Variants in PCDH17 observed in about 807,000 individuals in gnomAD.
PCDH17 encodes protocadherin 17, also known as protocadherin-17.
A neutral mutation model predicts 67.7 loss-of-function variants in PCDH17; 21 were observed. The ratio of observed to expected loss-of-function variants is 0.31; its 90% CI spans 0.22 to 0.45. The LOEUF (loss-of-function observed/expected upper bound fraction) is 0.45. PCDH17 is among the 20% of genes least tolerant of loss of function. PCDH17 has a pLI of 1.00. For synonymous variants in PCDH17, 701 were observed against 656.7 expected, an observed-to-expected ratio of 1.07 and a Z score of -1.03; for missense variants, 1,471 against 1,564.8, an observed-to-expected ratio of 0.94 and a Z score of 1.01.
chr13:57,686,416 A>G (rs1955508530), intron 3 of PCDH17, among the ~76,000 whole-genome samples: 1 of 152,040 alleles, frequency 6.6e-6, no homozygotes, highest in Admixed American at 6.6e-5. Flanking sequence ...GAGAAGCATA[A>G]CATAATTAAT....
chr13:57,711,044 G>A (rs755689805), intron 3 of PCDH17, among the ~76,000 whole-genome samples: 5 of 151,976 alleles, frequency 3.3e-5, no homozygotes, highest in Non-Finnish European at 7.4e-5. Context: ...TTGAATAGCT[G>A]TGATTTCACA....
chr13:57,703,740 G>A (rs912222347), intron 3 of PCDH17, among the ~76,000 whole-genome samples: 27 of 151,998 alleles, frequency 1.8e-4, no homozygotes, highest in African/African-American at 6.0e-4. Flanking sequence ...TCTTAGCATT[G>A]TATTTAGTAC....
Position 57,710,851 on chromosome 13 carries a change from A to G in PCDH17, c.2798-13761A>G, listed in dbSNP as rs1429569154. Among the ~76,000 whole-genome samples, 4 of 151,998 alleles carry G rather than the reference A, an allele frequency of 2.6e-5. No individual in the cohort carries two copies. In the East Asian group the frequency reaches 7.7e-4, roughly 29 times the overall value. On this transcript the variant is annotated intron_variant, in intron 3 of 3. Coordinates refer to ENST00000377918, the MANE Select transcript of PCDH17 (RefSeq NM_001040429.3). ...TGCTTTATTTCTTGTATGGAAATGA[A>G]TGGAAACTGGAGTAAAAATAGAACA...
intron 1 of PCDH17, among the ~76,000 whole-genome samples, chr13:57,641,170 C>G (rs1417256448): frequency 6.6e-6 from 1 of 151,772 alleles, no homozygotes; most frequent in Admixed American, 6.6e-5. Context: ...TATTGTCAAC[C>G]TACTTTAGTA....
intron 3 of PCDH17, among the ~76,000 whole-genome samples, chr13:57,696,477 C>T (rs2138068980): frequency 6.6e-6 from 1 of 151,110 alleles, no homozygotes; most frequent in East Asian, 1.9e-4. Flanking sequence ...GTTAATGTTA[C>T]TTAAAATAGA....
At chr13:57,642,706 C>T (rs1954920112) in intron 1 of PCDH17, among the ~76,000 whole-genome samples, 1 of 151,078 alleles carries the variant, frequency 6.6e-6, no homozygotes, top group East Asian at 1.9e-4. Context: ...TCATGGTCTC[C>T]AATTCAGAAA....
intron 1 of PCDH17, among the ~76,000 whole-genome samples, chr13:57,635,553 A>G (rs1263703975): frequency 6.6e-6 from 1 of 152,232 alleles, no homozygotes; most frequent in Non-Finnish European, 1.5e-5. Context: ...ACTATTAAGA[A>G]GTTAACTTCT....
intron 1 of PCDH17, among the ~76,000 whole-genome samples, chr13:57,641,587 A>AATATATATATATAT (rs1166347188): frequency 2.4e-4 from 5 of 20,582 alleles, no homozygotes; most frequent in Admixed American, 8.4e-4. Context: ...AAAAAAAAAA[A>AATATATATATATAT]ATATATATAT....
At chr13:57,631,223 G>C (rs1048825752), upstream of PCDH17, among the ~76,000 whole-genome samples, 3 of 152,084 alleles carry the variant, frequency 2.0e-5, no homozygotes, top group African/African-American at 7.2e-5. Flanking sequence ...TCTAGATGAA[G>C]AGGACTGGGA....
At chr13:57,631,124 C>A (rs1229553422), upstream of PCDH17, among the ~76,000 whole-genome samples, 1 of 151,674 alleles carries the variant, frequency 6.6e-6, no homozygotes, top group Non-Finnish European at 1.5e-5. Context: ...ACTCCTCCTA[C>A]TATAAGAGAA....
chr13:57,680,153 T>TAA (rs1226381360), intron 3 of PCDH17, among the ~76,000 whole-genome samples: 7 of 150,910 alleles, frequency 4.6e-5, no homozygotes, highest in Admixed American at 1.3e-4. Flanking sequence ...TATATATATA[T>TAA]AAATATGTAT....
At chr13:57,659,362 G>A (rs1436542392) in intron 1 of PCDH17, among the ~76,000 whole-genome samples, 1 of 151,830 alleles carries the variant, frequency 6.6e-6, no homozygotes, top group Non-Finnish European at 1.5e-5. Context: ...AAAATAATGA[G>A]GTCTTTATTT....
chr13:57,694,655 T>A (rs780612019), intron 3 of PCDH17, among the ~76,000 whole-genome samples: 33 of 151,294 alleles, frequency 2.2e-4, no homozygotes, highest in Admixed American at 4.0e-4. Flanking sequence ...TTCATTTTTT[T>A]AATACTTTCC....
At chr13:57,708,789 A>T (rs1955745014) in intron 3 of PCDH17, among the ~76,000 whole-genome samples, 1 of 151,994 alleles carries the variant, frequency 6.6e-6, no homozygotes, top group East Asian at 1.9e-4. Flanking sequence ...AAATGAGACT[A>T]TTTTAAAAAT....
rs1293104751 is a variant in PCDH17 at position 57,633,239 on chromosome 13, G to C, written c.693G>C (p.Val231=). The stretch of plus-strand genomic sequence containing the variant: ...GTTCCGCCACCGTACAGATCAACGT[G>C]AAGGTGATTGACTCCAACGACAACA... ...PPRSATVQIN[V]KVIDSNDNSP... The change falls in exon 1 of 4, where the codon GTG becomes GTC. Residue 231 remains valine (V), a synonymous_variant. Transcript: ENST00000377918. This position sits in a 1 kb window ranked among gnomAD's most constrained non-coding sequence, Gnocchi z 6.2. 1 of 1,613,332 alleles carries C rather than the reference G, an allele frequency of 6.2e-7. No homozygotes were observed. Among genetic ancestry groups the C allele is most frequent in the Admixed American group, 1.7e-5 (1 of 60,018 alleles).
At chr13:57,698,856 G>T (rs1320839465) in intron 3 of PCDH17, among the ~76,000 whole-genome samples, 1 of 151,830 alleles carries the variant, frequency 6.6e-6, no homozygotes, top group Non-Finnish European at 1.5e-5. Flanking sequence ...AATGGATAGT[G>T]ATCTATAGCA....
At chr13:57,664,359 A>G (rs1212080412) in intron 1 of PCDH17, among the ~76,000 whole-genome samples, 2 of 152,200 alleles carry the variant, frequency 1.3e-5, no homozygotes, top group East Asian at 3.9e-4. Flanking sequence ...GTGTGTACAT[A>G]TAATTTTAAT....
intron 1 of PCDH17, among the ~76,000 whole-genome samples, chr13:57,652,085 T>C (rs1955048043): frequency 6.6e-6 from 1 of 151,640 alleles, no homozygotes; most frequent in Non-Finnish European, 1.5e-5. Flanking sequence ...GAGACCATCC[T>C]GGCTAACAAG....
At chr13:57,704,023 G>A (rs1036771875) in intron 3 of PCDH17, among the ~76,000 whole-genome samples, 7 of 151,986 alleles carry the variant, frequency 4.6e-5, no homozygotes, top group African/African-American at 1.4e-4. Flanking sequence ...CTATTGTTGA[G>A]CTAGAGAAAG....
Sources: gnomAD v4.1 joint callset for allele counts (sites outside exome capture counted in the v4.1 genomes callset) on GRCh38, gnomAD v4.1.1 for gene constraint, Gnocchi (gnomAD v3.1) non-coding constraint, MANE v1.5 for transcripts, NCBI Gene and HGNC (gene_info 2026-07-23, HGNC 2026-07-21) for gene names.